The following PLA2G4A variants were observed in gnomAD, a reference collection of about 807,000 sequenced individuals.
PLA2G4A encodes phospholipase A2 group IVA, also known as cytosolic phospholipase A2.
PLA2G4A carries 40 observed loss-of-function variants against 81.9 expected under a neutral mutation model. The observed-to-expected ratio is 0.49, with a 90% confidence interval of 0.38 to 0.64. The LOEUF (loss-of-function observed/expected upper bound fraction) is 0.64, where lower values mean the gene tolerates loss of function less well. Among genes scored for constraint, PLA2G4A ranks in the 30% least tolerant of loss-of-function variants. The pLI is 0.00. For missense variants in PLA2G4A, 715 were observed against 905.1 expected (o/e 0.79, Z 2.69); for synonymous variants, 302 against 296.9 (o/e 1.02, Z -0.18).
chr1:186,958,235 T>C (rs2102261133), intron 14 of PLA2G4A, among the ~76,000 whole-genome samples: 1 of 152,332 alleles, frequency 6.6e-6, no homozygotes, highest in Middle Eastern at 3.4e-3. Context: ...CAGGATTCAC[T>C]ATGTTATATA....
At chr1:186,846,464 A>G (rs1652178630) in intron 1 of PLA2G4A, among the ~76,000 whole-genome samples, 3 of 152,206 alleles carry the variant, frequency 2.0e-5, no homozygotes, top group Admixed American at 2.0e-4. Context: ...AATTTAAGAT[A>G]AGAAATTACA....
intron 1 of PLA2G4A, among the ~76,000 whole-genome samples, chr1:186,830,966 CTTTCTTTCTTTCTT>C (rs1558339193): frequency 4.6e-5 from 3 of 65,308 alleles, no homozygotes; most frequent in African/African-American, 1.8e-4. Flanking sequence ...TGCTTTCTTT[CTTTCTTTCTTTCTT>C]TCTTTCTTTC....
intron 7 of PLA2G4A, among the ~76,000 whole-genome samples, chr1:186,915,960 G>A (rs1257184940): frequency 6.6e-6 from 1 of 152,068 alleles, no homozygotes; most frequent in African/African-American, 2.4e-5. Flanking sequence ...CAGGAACTGG[G>A]TCTACAGGTA....
intron 15 of PLA2G4A, among the ~76,000 whole-genome samples, chr1:186,970,705 T>C (rs1005830767): frequency 2.6e-5 from 4 of 152,056 alleles, no homozygotes; most frequent in Non-Finnish European, 4.4e-5. Flanking sequence ...TTGTTGCAAA[T>C]GAGTTGAACT....
intron 5 of PLA2G4A, among the ~76,000 whole-genome samples, chr1:186,902,845 G>A (rs1003107546): frequency 9.7e-5 from 14 of 143,856 alleles, no homozygotes; most frequent in Middle Eastern, 7.6e-3. Context: ...GACTCAGTCC[G>A]CCTACACCCT....
chr1:186,937,253 A>AAGAGAGAGAG (rs58594192), intron 8 of PLA2G4A, among the ~76,000 whole-genome samples: 1 of 149,236 alleles, frequency 6.7e-6, no homozygotes, highest in Non-Finnish European at 1.5e-5. Flanking sequence ...GAGACGGGAA[A>AAGAGAGAGAG]AGAGAGAGAG....
At chr1:186,831,400 A>G (rs1435199820) in intron 1 of PLA2G4A, among the ~76,000 whole-genome samples, 1 of 152,194 alleles carries the variant, frequency 6.6e-6, no homozygotes, top group Non-Finnish European at 1.5e-5. Context: ...GCCTGAAACC[A>G]GGTGACCTAG....
At chr1:186,851,921 A>G (rs1274997572) in intron 1 of PLA2G4A, among the ~76,000 whole-genome samples, 1 of 152,020 alleles carries the variant, frequency 6.6e-6, no homozygotes, top group Non-Finnish European at 1.5e-5. Flanking sequence ...ACTCATATCG[A>G]TATTGATTAA....
chr1:186,841,479 T>C (rs1374298172), intron 1 of PLA2G4A, among the ~76,000 whole-genome samples: 1 of 152,110 alleles, frequency 6.6e-6, no homozygotes, highest in Non-Finnish European at 1.5e-5. Flanking sequence ...AAAGAAAGAG[T>C]ACCTGGTTGA....
At chr1:186,967,423 C>T (rs1657170659) in intron 15 of PLA2G4A, among the ~76,000 whole-genome samples, 1 of 152,100 alleles carries the variant, frequency 6.6e-6, no homozygotes, top group Non-Finnish European at 1.5e-5. Flanking sequence ...GAATTTCTTA[C>T]CCTTTACCAG....
chr1:186,937,450 A>G (rs4651341), intron 8 of PLA2G4A, among the ~76,000 whole-genome samples: 38,464 of 145,324 alleles, frequency 0.26, 5,375 homozygotes, highest in Admixed American at 0.41. Context: ...GCATTTTTAT[A>G]GATATTTCGT....
chr1:186,866,615 A>G (rs116632602), intron 2 of PLA2G4A, among the ~76,000 whole-genome samples: 2,437 of 152,216 alleles, frequency 0.016, 78 homozygotes, highest in African/African-American at 0.056. Flanking sequence ...TAGAATATGA[A>G]TATATTTGCA....
At chr1:186,839,534 G>A (rs529646383) in intron 1 of PLA2G4A, among the ~76,000 whole-genome samples, 4 of 152,190 alleles carry the variant, frequency 2.6e-5, no homozygotes, top group East Asian at 1.9e-4. Flanking sequence ...TATCTCATCC[G>A]CAGAACCTCA....
At chr1:186,836,241 TA>T (rs988793775) in intron 1 of PLA2G4A, among the ~76,000 whole-genome samples, 4 of 151,192 alleles carry the variant, frequency 2.6e-5, no homozygotes, top group African/African-American at 9.7e-5. Flanking sequence ...CAATATGAAT[TA>T]ATTCAGGTAA....
At chr1:186,840,243 G>C (rs1429900795) in intron 1 of PLA2G4A, among the ~76,000 whole-genome samples, 4 of 151,900 alleles carry the variant, frequency 2.6e-5, no homozygotes, top group African/African-American at 9.7e-5. Flanking sequence ...TGCCAAAGGG[G>C]TCCATGGCAC....
intron 3 of PLA2G4A, among the ~76,000 whole-genome samples, chr1:186,892,105 A>G (rs182243479): frequency 6.6e-6 from 1 of 152,212 alleles, no homozygotes; most frequent in African/African-American, 2.4e-5. Context: ...AGAAATGTCT[A>G]TTCAAATCAT....
intron 15 of PLA2G4A, among the ~76,000 whole-genome samples, chr1:186,968,937 C>A (rs1571454921): frequency 6.6e-6 from 1 of 151,032 alleles, no homozygotes; most frequent in South Asian, 2.1e-4. Flanking sequence ...GGATAAAAAA[C>A]CTCACATTTA....
intron 17 of PLA2G4A, among the ~76,000 whole-genome samples, chr1:186,984,388 C>T (rs1390002763): frequency 6.6e-6 from 1 of 152,100 alleles, no homozygotes; most frequent in Non-Finnish European, 1.5e-5. Flanking sequence ...TTCCCAGTCT[C>T]ACTTATTCAA....
intron 13 of PLA2G4A, 146 bp from the exon 14 acceptor site, chr1:186,955,956 G>A (rs1656734662): frequency 3.0e-6 from 2 of 664,326 alleles, no homozygotes; most frequent in Non-Finnish European, 2.7e-6. Flanking sequence ...TGGCCAGGAT[G>A]GTCTCAATCT....
Sources: allele counts gnomAD v4.1 joint callset (sites outside exome capture counted in the v4.1 genomes callset), GRCh38; gene constraint gnomAD v4.1.1; transcripts MANE v1.5; gene names NCBI Gene and HGNC (gene_info 2026-07-23, HGNC 2026-07-21).